PPFIA2: variants seen among roughly 807,000 people sequenced by gnomAD.
The protein encoded by PPFIA2 is PPFI scaffold protein A2, also known as liprin-alpha-2.
In PPFIA2, 46 loss-of-function variants were observed where a neutral mutation model predicts 175.5. The ratio of observed to expected loss-of-function variants is 0.26; its 90% CI spans 0.21 to 0.34. The LOEUF (loss-of-function observed/expected upper bound fraction) is 0.34, where lower values mean the gene tolerates loss of function less well. Among genes scored for constraint, PPFIA2 ranks in the 10% least tolerant of loss-of-function variants. PPFIA2 has a pLI of 1.00. For missense variants in PPFIA2, 1,179 were observed against 1,506.1 expected, an observed-to-expected ratio of 0.78 and a Z score of 3.60; for synonymous variants, 568 against 511.4, an observed-to-expected ratio of 1.11 and a Z score of -1.49.
intron 4 of PPFIA2, among the ~76,000 whole-genome samples, chr12:81,616,214 A>C (rs900454088): frequency 7.2e-5 from 11 of 152,120 alleles, no homozygotes; most frequent in Admixed American, 2.6e-4. Flanking sequence ...ATGATTTTCT[A>C]TCTGTATCAT....
chr12:81,668,615 A>G (rs913283045), intron 4 of PPFIA2, among the ~76,000 whole-genome samples: 4 of 151,980 alleles, frequency 2.6e-5, no homozygotes, highest in African/African-American at 9.7e-5. Context: ...ACTTCCCTCC[A>G]CAGAGTAAAA....
intron 7 of PPFIA2, among the ~76,000 whole-genome samples, chr12:81,428,326 T>C (rs2144304767): frequency 6.6e-6 from 1 of 152,126 alleles, no homozygotes; most frequent in East Asian, 1.9e-4. Context: ...TTATACACAG[T>C]AGGTGACACT....
intron 7 of PPFIA2, among the ~76,000 whole-genome samples, chr12:81,424,286 T>C (rs1566768687): frequency 6.6e-6 from 1 of 152,074 alleles, no homozygotes; most frequent in Non-Finnish European, 1.5e-5. Context: ...AATGAAACTG[T>C]TGTTTCCATG....
intron 22 of PPFIA2, among the ~76,000 whole-genome samples, chr12:81,315,599 A>G (rs937855183): frequency 6.6e-6 from 1 of 151,812 alleles, no homozygotes; most frequent in South Asian, 2.1e-4. Context: ...TGAAAGAAGC[A>G]TGATTTGTGG....
chr12:81,604,375 T>A (rs1035869917), intron 4 of PPFIA2, among the ~76,000 whole-genome samples: 5 of 151,658 alleles, frequency 3.3e-5, no homozygotes, highest in African/African-American at 1.2e-4. Flanking sequence ...CTTAATCTGG[T>A]CATCATCCTT....
intron 7 of PPFIA2, among the ~76,000 whole-genome samples, chr12:81,415,703 C>CAAA (rs60269234): frequency 5.8e-5 from 8 of 137,128 alleles, no homozygotes; most frequent in East Asian, 2.0e-4. Context: ...ATTCCAATAG[C>CAAA]AAAAAAAAAA....
At chr12:81,685,461 T>G (rs1390512558) in intron 3 of PPFIA2, among the ~76,000 whole-genome samples, 3 of 152,110 alleles carry the variant, frequency 2.0e-5, no homozygotes, top group African/African-American at 7.2e-5. Context: ...ACTTTGAGTA[T>G]AGGCCAGCCT....
intron 5 of PPFIA2, 31 bp downstream of exon 5, chr12:81,457,734 A>C: frequency 7.2e-7 from 1 of 1,396,448 alleles, no homozygotes. Context: ...TACAAATAGA[A>C]TTAATTCCAA....
At chr12:81,442,597 G>A (rs1017851365) in intron 6 of PPFIA2, among the ~76,000 whole-genome samples, 1 of 151,158 alleles carries the variant, frequency 6.6e-6, no homozygotes, top group African/African-American at 2.4e-5. Flanking sequence ...CCTTGGAATT[G>A]GTAAATATAT....
intron 4 of PPFIA2, among the ~76,000 whole-genome samples, chr12:81,481,003 C>CA (rs902660970): frequency 1.3e-5 from 2 of 152,056 alleles, no homozygotes; most frequent in Admixed American, 6.6e-5. Context: ...ACAGTCTCAG[C>CA]AAAAAAATCT....
chr12:81,399,290 C>CAAAAAAA (rs543794696), intron 8 of PPFIA2, among the ~76,000 whole-genome samples: 1 of 42,022 alleles, frequency 2.4e-5, no homozygotes, highest in Non-Finnish European at 4.8e-5. Context: ...TCCTTCTTCA[C>CAAAAAAA]AAAAAAAAAA....
rs1555549748 is a variant in PPFIA2 at position 81,642,769 on chromosome 12, T to TATTATATACATGC, written c.303+34021_303+34022insGCATGTATATAAT. The stretch of plus-strand genomic sequence containing the variant: ...TGTATTATATACATACATGTATATG[T>TATTATATACATGC]ATGTATGTATTATATACATACATGT... On this transcript the variant is annotated intron_variant, in intron 4 of 32. Coordinates refer to ENST00000549396, the MANE Select transcript of PPFIA2 (RefSeq NM_003625.5). Among the ~76,000 whole-genome samples, 2 of 31,606 alleles carry TATTATATACATGC rather than the reference T, an allele frequency of 6.3e-5. 1 individual carries two copies. The highest frequency in any genetic ancestry group is 3.1e-4 in the African/African-American group (2 of 6,372). 20.7% of individuals were successfully genotyped at this position (31,606 alleles called of 152,430 possible).
rs74649229 is a variant in PPFIA2 at position 81,352,130 on chromosome 12, A to C, written c.1994+989T>G. Among the ~76,000 whole-genome samples the C allele has an allele frequency of 6.2e-3, 942 of 152,138 alleles. 11 individuals are homozygous for C. The highest frequency in any genetic ancestry group is 0.021 in the African/African-American group (876 of 41,516). On this transcript the variant is annotated intron_variant, in intron 17 of 32. Transcript: ENST00000549396. Reference sequence around the variant, plus strand: ...CTTCAATTCATAGGCCGAAGCTGTAAAGGCCAAAGTGACTGTATTTGAAAA... The same window carrying C: ...CTTCAATTCATAGGCCGAAGCTGTACAGGCCAAAGTGACTGTATTTGAAAA...
intron 7 of PPFIA2, among the ~76,000 whole-genome samples, chr12:81,410,230 G>A (rs1041357783): frequency 6.6e-6 from 1 of 152,080 alleles, no homozygotes; most frequent in Non-Finnish European, 1.5e-5. Context: ...CAGACATTTT[G>A]TCACAGCAGC....
At chr12:81,304,032 G>T (rs2048524908) in intron 22 of PPFIA2, among the ~76,000 whole-genome samples, 1 of 152,092 alleles carries the variant, frequency 6.6e-6, no homozygotes, top group African/African-American at 2.4e-5. Context: ...TCTTGCATTT[G>T]CATGCCATCA....
chr12:81,582,256 G>T (rs1010705302), intron 4 of PPFIA2, among the ~76,000 whole-genome samples: 3 of 151,816 alleles, frequency 2.0e-5, no homozygotes, highest in African/African-American at 7.2e-5. Context: ...TCTTGCTTTT[G>T]AATAGATGGA....
At chr12:81,676,982 A>T (rs1001321496) in intron 3 of PPFIA2, 138 bp from the exon 4 acceptor site, 5 of 465,044 alleles carry the variant, frequency 1.1e-5, no homozygotes, top group Non-Finnish European at 1.9e-5. Flanking sequence ...AATCTTGGAC[A>T]CTGTAGTACT....
At chr12:81,446,665 CAAAATAAAGAAG>C (rs2051332849) in intron 5 of PPFIA2, among the ~76,000 whole-genome samples, 1 of 151,586 alleles carries the variant, frequency 6.6e-6, no homozygotes, top group African/African-American at 2.4e-5. Context: ...TCTACTTATG[CAAAATAAAGAAG>C]AAAATAAAGC....
intron 3 of PPFIA2, among the ~76,000 whole-genome samples, chr12:81,690,311 A>C (rs1427789979): frequency 6.6e-6 from 1 of 152,138 alleles, no homozygotes; most frequent in East Asian, 1.9e-4. Context: ...ACATCAAGCC[A>C]TGTGAAAATA....
Sources: allele counts gnomAD v4.1 joint callset (sites outside exome capture counted in the v4.1 genomes callset), GRCh38; gene constraint gnomAD v4.1.1; transcripts MANE v1.5; gene names NCBI Gene and HGNC (gene_info 2026-07-23, HGNC 2026-07-21).